ENOX1: variants seen among roughly 807,000 people sequenced by gnomAD.
The protein encoded by ENOX1 is ecto-NOX disulfide-thiol exchanger 1.
A neutral mutation model predicts 82.5 loss-of-function variants in ENOX1; 42 were observed. That is an observed-to-expected ratio of 0.51 (90% confidence interval 0.40 to 0.66). The LOEUF (loss-of-function observed/expected upper bound fraction) is 0.66, where lower values mean the gene tolerates loss of function less well. Among genes scored for constraint, ENOX1 ranks in the 30% least tolerant of loss-of-function variants. The pLI is 0.00. For synonymous variants in ENOX1, 271 were observed against 282.2 expected, an observed-to-expected ratio of 0.96 and a Z score of 0.40; for missense variants, 608 against 811.6, an observed-to-expected ratio of 0.75 and a Z score of 3.05.
chr13:43,263,121 C>A (rs1017330955), intron 14 of ENOX1, among the ~76,000 whole-genome samples: 1 of 152,166 alleles, frequency 6.6e-6, no homozygotes, highest in African/African-American at 2.4e-5. Context: ...TTCACATACC[C>A]TAGTGGAGGT....
At chr13:43,741,111 G>A (rs2089890153) in intron 1 of ENOX1, among the ~76,000 whole-genome samples, 1 of 143,820 alleles carries the variant, frequency 7.0e-6, no homozygotes, top group Admixed American at 7.2e-5. Context: ...TTGAGACAGA[G>A]TCTTGCTTTG....
intron 11 of ENOX1, among the ~76,000 whole-genome samples, chr13:43,311,530 CTTT>C (rs1001479931): frequency 6.6e-6 from 1 of 152,220 alleles, no homozygotes; most frequent in Admixed American, 6.5e-5. Flanking sequence ...TCTCACACTT[CTTT>C]ATGTTAGAGT....
intron 13 of ENOX1, 117 bp from the exon 14 acceptor site, chr13:43,265,571 T>C (rs1391487335): frequency 2.4e-6 from 2 of 832,008 alleles, no homozygotes; most frequent in African/African-American, 1.7e-5. Context: ...AAACTTCCAA[T>C]GAGATAAAAC....
rs1246712793 is a variant in ENOX1 at position 43,236,220 on chromosome 13, A to C, written c.1714+416T>G. ...CATTGCAGGTCTAGCCTTGGGAGTGACTTTAGGATGTGGCCTCTGCTAAGG... is the reference window on the plus strand; with the variant it reads ...CATTGCAGGTCTAGCCTTGGGAGTGCCTTTAGGATGTGGCCTCTGCTAAGG... On this transcript the variant is annotated intron_variant, in intron 15 of 16. Coordinates refer to ENST00000690772, the MANE Select transcript of ENOX1 (RefSeq NM_001347969.2). Among the ~76,000 whole-genome samples the C allele has an allele frequency of 2.0e-5, 3 of 152,086 alleles. No homozygotes were observed. The East Asian group carries it at 5.8e-4, about 29-fold the overall frequency.
At chr13:43,591,709 C>T (rs972803002) in intron 2 of ENOX1, among the ~76,000 whole-genome samples, 4 of 152,118 alleles carry the variant, frequency 2.6e-5, no homozygotes, top group South Asian at 2.1e-4. Flanking sequence ...GAGTTGGGAA[C>T]GAGCAGCAAA....
chr13:43,521,002 T>G (rs757053670), intron 2 of ENOX1, among the ~76,000 whole-genome samples: 2 of 152,122 alleles, frequency 1.3e-5, no homozygotes, highest in African/African-American at 2.4e-5. Flanking sequence ...GTAATATATG[T>G]ACACTATGCA....
intron 2 of ENOX1, among the ~76,000 whole-genome samples, chr13:43,598,347 G>A (rs2081558544): frequency 6.6e-6 from 1 of 152,172 alleles, no homozygotes; most frequent in Non-Finnish European, 1.5e-5. Context: ...CTTAGTGCTT[G>A]GCACATCATA....
At chr13:43,401,747 C>T (rs751416413) in intron 5 of ENOX1, among the ~76,000 whole-genome samples, 37 of 152,086 alleles carry the variant, frequency 2.4e-4, no homozygotes, top group Admixed American at 1.0e-3. Context: ...TCGCAATATG[C>T]CAGGAAAGAG....
intron 2 of ENOX1, among the ~76,000 whole-genome samples, chr13:43,657,246 A>G (rs1396897279): frequency 6.6e-6 from 1 of 152,254 alleles, no homozygotes; most frequent in Non-Finnish European, 1.5e-5. Flanking sequence ...TATTCATAAT[A>G]TAGTCTCAAC....
At chr13:43,545,095 A>G (rs954250683) in intron 2 of ENOX1, 2 of 116,452 alleles carry the variant, frequency 1.7e-5, no homozygotes, top group African/African-American at 3.2e-5. Context: ...CTGGCAGCAC[A>G]TGCTCTCCTG....
intron 1 of ENOX1, among the ~76,000 whole-genome samples, chr13:43,774,271 G>A (rs984128152): frequency 2.6e-5 from 4 of 152,204 alleles, no homozygotes; most frequent in African/African-American, 9.7e-5. Flanking sequence ...AAGGATGTCA[G>A]GAGAAACTGT....
intron 11 of ENOX1, among the ~76,000 whole-genome samples, chr13:43,319,314 G>A (rs897472990): frequency 1.3e-5 from 2 of 152,080 alleles, no homozygotes; most frequent in Non-Finnish European, 2.9e-5. Context: ...TGATCAAGAA[G>A]AGTGAACACC....
intron 1 of ENOX1, among the ~76,000 whole-genome samples, chr13:43,749,494 A>T (rs1323667955): frequency 3.9e-5 from 6 of 152,238 alleles, no homozygotes; most frequent in African/African-American, 1.4e-4. Flanking sequence ...CTCACCTTGG[A>T]GAAGAGAGCC....
intron 1 of ENOX1, among the ~76,000 whole-genome samples, chr13:43,676,900 G>C (rs999228892): frequency 2.6e-5 from 4 of 151,824 alleles, no homozygotes; most frequent in Non-Finnish European, 4.4e-5. Flanking sequence ...ATTACTGGTT[G>C]TCTTGCCAAT....
At chr13:43,404,155 TAAAG>T (rs1355410975) in intron 5 of ENOX1, among the ~76,000 whole-genome samples, 1 of 152,164 alleles carries the variant, frequency 6.6e-6, no homozygotes, top group Non-Finnish European at 1.5e-5. Flanking sequence ...TTAGCAGAAA[TAAAG>T]AAACAAAACA....
intron 2 of ENOX1, among the ~76,000 whole-genome samples, chr13:43,540,973 A>C (rs938895995): frequency 6.6e-6 from 1 of 152,130 alleles, no homozygotes; most frequent in African/African-American, 2.4e-5. Flanking sequence ...TGGTAATTCT[A>C]AATCAATCAA....
chr13:43,517,328 T>C lies in ENOX1; in HGVS notation c.-218-33176A>G, dbSNP rs541243195. Among the ~76,000 whole-genome samples the C allele has an allele frequency of 2.0e-5, 3 of 152,082 alleles. No individual in the cohort carries two copies. The South Asian group carries it at 6.2e-4, about 32-fold the overall frequency. On this transcript the variant is annotated intron_variant, in intron 2 of 16. Coordinates refer to ENST00000690772, the MANE Select transcript of ENOX1 (RefSeq NM_001347969.2). ...GCCTGGCCAACATGGTGAAACCCGGTCTCTACTAAAAATACAAAAATTAGC... is the reference window on the plus strand; with the variant it reads ...GCCTGGCCAACATGGTGAAACCCGGCCTCTACTAAAAATACAAAAATTAGC...
intron 2 of ENOX1, among the ~76,000 whole-genome samples, chr13:43,504,276 A>G (rs2077076509): frequency 6.6e-6 from 1 of 151,844 alleles, no homozygotes; most frequent in African/African-American, 2.4e-5. Flanking sequence ...GATTCCTTAA[A>G]GAATCAGAAC....
At chr13:43,265,566 T>G in intron 13 of ENOX1, 112 bp from the exon 14 acceptor site, 1 of 848,498 alleles carries the variant, frequency 1.2e-6, no homozygotes, top group East Asian at 2.5e-5. Context: ...TTATAAAACT[T>G]CCAATGAGAT....
Sources: allele counts gnomAD v4.1 joint callset (sites outside exome capture counted in the v4.1 genomes callset), GRCh38; gene constraint gnomAD v4.1.1; transcripts MANE v1.5; gene names NCBI Gene and HGNC (gene_info 2026-07-23, HGNC 2026-07-21).